The following HDAC4 variants were observed in gnomAD, a reference collection of about 807,000 sequenced individuals.
HDAC4 encodes histone deacetylase 4.
A neutral mutation model predicts 135.1 loss-of-function variants in HDAC4; 16 were observed. The observed-to-expected ratio is 0.12, with a 90% CI of 0.08 to 0.18. The LOEUF (loss-of-function observed/expected upper bound fraction) is 0.18. Among genes scored for constraint, HDAC4 ranks in the 10% least tolerant of loss-of-function variants. HDAC4 has a pLI of 1.00. For missense variants in HDAC4, 1,143 were observed against 1,511.8 expected, an observed-to-expected ratio of 0.76 and a Z score of 4.05; for synonymous variants, 685 against 653.4, an observed-to-expected ratio of 1.05 and a Z score of -0.74.
At chr2:239,159,267 C>T (rs1309016829) in intron 6 of HDAC4, among the ~76,000 whole-genome samples, 1 of 151,004 alleles carries the variant, frequency 6.6e-6, no homozygotes, top group Non-Finnish European at 1.5e-5. Flanking sequence ...ACTACTCACA[C>T]CCACTCACGC....
Position 239,240,623 on chromosome 2 carries a change from C to T in HDAC4, c.23-3959G>A, listed in dbSNP as rs114450887. Among the ~76,000 whole-genome samples, 951 of 152,270 alleles carry T rather than the reference C, an allele frequency of 6.2e-3. 16 individuals carry two copies. Among genetic ancestry groups the T allele is most frequent in the African/African-American group, 0.022 (902 of 41,562 alleles). ...TTTTGGAAACCCTGCTGGACAGGGA[C>T]GATCGTACTGAGTGTCCTCAAACAG... On this transcript the variant is annotated intron_variant, in intron 2 of 26. Transcript: ENST00000543185. This position sits in a 1 kb window ranked among gnomAD's most constrained non-coding sequence, Gnocchi z 4.5.
At chr2:239,295,345 T>C (rs937388795) in intron 2 of HDAC4, among the ~76,000 whole-genome samples, 5 of 134,234 alleles carry the variant, frequency 3.7e-5, no homozygotes, top group African/African-American at 1.4e-4. Context: ...ATGATTATAG[T>C]AAACTGGCAA....
chr2:239,355,676 C>A (rs1693444530), intron 1 of HDAC4, among the ~76,000 whole-genome samples: 1 of 152,108 alleles, frequency 6.6e-6, no homozygotes, highest in Admixed American at 6.5e-5. Flanking sequence ...CTGGGATACC[C>A]TTTTTTTGAC....
chr2:239,213,177 G>A (rs1296534771), intron 3 of HDAC4, among the ~76,000 whole-genome samples: 5 of 152,058 alleles, frequency 3.3e-5, no homozygotes, highest in Admixed American at 2.6e-4. Flanking sequence ...AGAATGAGGA[G>A]GAGGAGGGCT....
chr2:239,069,821 C>A (rs899452412), intron 22 of HDAC4, among the ~76,000 whole-genome samples: 3 of 152,104 alleles, frequency 2.0e-5, no homozygotes. Flanking sequence ...AGCCAGCAAG[C>A]CCCACTGCAC....
chr2:239,174,689 C>T (rs2043648078), intron 5 of HDAC4, among the ~76,000 whole-genome samples: 1 of 152,188 alleles, frequency 6.6e-6, no homozygotes, highest in African/African-American at 2.4e-5. Flanking sequence ...ATGCACATAG[C>T]AATACTGCTT....
At chr2:239,208,326 C>CCAA (rs2046174065) in intron 3 of HDAC4, among the ~76,000 whole-genome samples, 1 of 68,210 alleles carries the variant, frequency 1.5e-5, no homozygotes, top group African/African-American at 1.0e-4. Context: ...GACTCCGTCC[C>CCAA]AAAAAAAAAA....
chr2:239,166,776 G>GC (rs1179269310), intron 5 of HDAC4, among the ~76,000 whole-genome samples: 1 of 152,204 alleles, frequency 6.6e-6, no homozygotes, highest in Admixed American at 6.5e-5. Flanking sequence ...AAAAGGAAAG[G>GC]CCGGGCGGTG....
At chr2:239,383,076 G>A (rs1027806365) in intron 1 of HDAC4, among the ~76,000 whole-genome samples, 14 of 152,128 alleles carry the variant, frequency 9.2e-5, no homozygotes, top group African/African-American at 2.4e-4. Context: ...AACTGCCCAC[G>A]TTACAGGCAT....
At chr2:239,145,232 G>A (rs902206269) in intron 7 of HDAC4, among the ~76,000 whole-genome samples, 3 of 152,226 alleles carry the variant, frequency 2.0e-5, no homozygotes, top group South Asian at 4.1e-4. Context: ...GCTCGCCCAT[G>A]CATCGCCCCA....
intron 2 of HDAC4, among the ~76,000 whole-genome samples, chr2:239,260,747 C>G (rs2049312321): frequency 6.6e-6 from 1 of 152,234 alleles, no homozygotes; most frequent in Non-Finnish European, 1.5e-5. Context: ...TGGCCTCCCC[C>G]TGGGCACGCC....
In HDAC4 at chr2:239,139,968, G is replaced by A. The variant is rs930002977; in HGVS notation, c.866-172C>T. On this transcript the variant is annotated intron_variant, in intron 8 of 26. Coordinates refer to ENST00000543185, the MANE Select transcript of HDAC4 (RefSeq NM_001378414.1). The surrounding 1 kb of genome is among the most constrained non-coding windows in gnomAD (Gnocchi z 5.3). ...GTTTCAAAAAAGAAAGTATGATGCT[G>A]ATTTCTGATTTTCCAGTTTTGCCAC... is the stretch of plus-strand genomic sequence containing the variant. Among the ~76,000 whole-genome samples, 7 of 152,234 alleles carry A rather than the reference G, an allele frequency of 4.6e-5. No homozygotes were observed. The highest frequency in any genetic ancestry group is 1.7e-4 in the African/African-American group (7 of 41,456).
At chr2:239,276,732 G>A (rs1416232996) in intron 2 of HDAC4, among the ~76,000 whole-genome samples, 1 of 152,208 alleles carries the variant, frequency 6.6e-6, no homozygotes, top group Non-Finnish European at 1.5e-5. Flanking sequence ...ACTGCTCGCT[G>A]CCCAGACAAA....
intron 2 of HDAC4, among the ~76,000 whole-genome samples, chr2:239,256,754 G>A (rs192171804): frequency 6.6e-6 from 1 of 152,380 alleles, no homozygotes; most frequent in East Asian, 1.9e-4. Context: ...AACAGATAAT[G>A]TGGAGAAACA....
intron 19 of HDAC4, among the ~76,000 whole-genome samples, chr2:239,084,783 GACACACACCCC>G (rs895475021): frequency 4.0e-5 from 5 of 125,150 alleles, no homozygotes; most frequent in South Asian, 2.7e-4. Context: ...ACTCCACACA[GACACACACCCC>G]ACACACACCC....
chr2:239,103,485 T>C (rs1308408191), intron 15 of HDAC4, among the ~76,000 whole-genome samples: 1 of 152,258 alleles, frequency 6.6e-6, no homozygotes, highest in Non-Finnish European at 1.5e-5. Context: ...TAGTGTTCTT[T>C]AGTTGAGCTA....
rs1038032159 is a variant in HDAC4, at chr2:239,303,487, G to A, written c.22+49191C>T. Among the ~76,000 whole-genome samples, 2 of 152,046 alleles carry A rather than the reference G, an allele frequency of 1.3e-5. No individual in the cohort carries two copies. Among genetic ancestry groups the A allele is most frequent in the African/African-American group, 4.8e-5 (2 of 41,404 alleles). On this transcript the variant is annotated intron_variant, in intron 2 of 26. Transcript: ENST00000543185. The surrounding 1 kb of genome is among the most constrained non-coding windows in gnomAD (Gnocchi z 5.1). The stretch of plus-strand genomic sequence containing the variant: ...CACCCCACGAACAAGACACGGCAGC[G>A]TGCTTCCTCGATCTCCCCGCTCCTT...
At position 239,068,810 on chromosome 2, in the gene HDAC4, ATT is replaced by A. The variant is rs1314551760; in HGVS notation, c.2751-205_2751-204del. 3.1e-6 allele frequency: 2 copies of A among 635,078 alleles called. No homozygotes were observed. The highest frequency in any genetic ancestry group is 5.9e-5 in the East Asian group (2 of 34,072). 39.3% of individuals were successfully genotyped at this position (635,078 alleles called of 1,614,324 possible). A position where few individuals can be genotyped will look rare whatever the true frequency, so the allele number is the denominator to read the frequency against. On this transcript the variant is annotated intron_variant, in intron 22 of 26. Transcript: ENST00000543185. The surrounding 1 kb of genome is among the most constrained non-coding windows in gnomAD (Gnocchi z 4.4). ...ATCAACCCACGTGTGATCCAGGCTCATTTCACATCTTCACAGTGCAAGCCAGC... is the reference window on the plus strand; with the variant it reads ...ATCAACCCACGTGTGATCCAGGCTCATCACATCTTCACAGTGCAAGCCAGC...
At chr2:239,372,023 G>A (rs565786458) in intron 1 of HDAC4, among the ~76,000 whole-genome samples, 84 of 152,356 alleles carry the variant, frequency 5.5e-4, no homozygotes, top group African/African-American at 1.9e-3. Context: ...GGCAGGGCGC[G>A]TGGGTGGCTG....
Sources: allele counts gnomAD v4.1 joint callset (sites outside exome capture counted in the v4.1 genomes callset), GRCh38; gene constraint gnomAD v4.1.1; non-coding constraint Gnocchi (gnomAD v3.1); transcripts MANE v1.5; gene names NCBI Gene and HGNC (gene_info 2026-07-23, HGNC 2026-07-21).